NKAIN3: variants seen among roughly 807,000 people sequenced by gnomAD.
NKAIN3 encodes sodium/potassium-transporting ATPase subunit beta-1-interacting protein 3.
Under a neutral mutation model 30.2 loss-of-function variants are expected in NKAIN3, and 25 were observed. That is an observed-to-expected ratio of 0.83 (90% CI 0.60 to 1.16). The LOEUF (loss-of-function observed/expected upper bound fraction) is 1.16, where lower values mean the gene tolerates loss of function less well. Ranked by LOEUF, NKAIN3 falls within the 50% of genes most tolerant of loss-of-function variation. The pLI, the probability that NKAIN3 is intolerant of heterozygous loss-of-function variation, is 0.00. For missense variants in NKAIN3, 225 were observed against 254.1 expected (o/e 0.89, Z 0.78); for synonymous variants, 91 against 89.6 (o/e 1.02, Z -0.09).
intron 4 of NKAIN3, among the ~76,000 whole-genome samples, chr8:62,795,792 A>C (rs191568718): frequency 7.9e-4 from 121 of 152,250 alleles, no homozygotes; most frequent in Non-Finnish European, 8.8e-5. Flanking sequence ...CCAGAAAATC[A>C]TTATTGTATG....
At chr8:62,429,119 G>T (rs1405902597) in intron 1 of NKAIN3, among the ~76,000 whole-genome samples, 5 of 151,872 alleles carry the variant, frequency 3.3e-5, no homozygotes, top group African/African-American at 1.2e-4. Flanking sequence ...TGGTTACTTG[G>T]TGGAAAATTA....
chr8:62,433,320 C>A (rs926911783), intron 1 of NKAIN3, among the ~76,000 whole-genome samples: 1 of 151,930 alleles, frequency 6.6e-6, no homozygotes, highest in Non-Finnish European at 1.5e-5. Context: ...CAAAAATGAT[C>A]AGCTCACAGA....
chr8:62,804,360 T>G (rs1001149344), intron 4 of NKAIN3, among the ~76,000 whole-genome samples: 1 of 152,108 alleles, frequency 6.6e-6, no homozygotes, highest in Non-Finnish European at 1.5e-5. Flanking sequence ...AAGAGAATTT[T>G]AGACCAATAT....
chr8:62,291,380 T>A (rs1793432217), intron 1 of NKAIN3, among the ~76,000 whole-genome samples: 1 of 152,230 alleles, frequency 6.6e-6, no homozygotes, highest in South Asian at 2.1e-4. Flanking sequence ...CATTTAGTGC[T>A]ATAAATTTCC....
intron 3 of NKAIN3, among the ~76,000 whole-genome samples, chr8:62,742,465 G>T (rs547356760): frequency 9.2e-5 from 14 of 152,268 alleles, no homozygotes; most frequent in African/African-American, 3.4e-4. Context: ...GTATATATCT[G>T]CTTCTTCTCA....
At chr8:62,675,025 C>A (rs1813428998) in intron 3 of NKAIN3, among the ~76,000 whole-genome samples, 1 of 152,122 alleles carries the variant, frequency 6.6e-6, no homozygotes, top group Non-Finnish European at 1.5e-5. Flanking sequence ...TGCTGAGGAA[C>A]AGTGTAGTCT....
chr8:62,727,010 A>C (rs1815280643), intron 3 of NKAIN3, among the ~76,000 whole-genome samples: 3 of 152,122 alleles, frequency 2.0e-5, no homozygotes. Context: ...TACCACACCA[A>C]GTGGGATTTA....
chr8:62,989,796 C>T (rs568862071), downstream of NKAIN3, among the ~76,000 whole-genome samples: 6 of 152,194 alleles, frequency 3.9e-5, no homozygotes, highest in Admixed American at 3.9e-4. Context: ...TTTCTACACC[C>T]TAAGAAATTT....
At chr8:62,311,779 G>A (rs1814440873) in intron 1 of NKAIN3, among the ~76,000 whole-genome samples, 1 of 150,546 alleles carries the variant, frequency 6.6e-6, no homozygotes, top group South Asian at 2.1e-4. Context: ...CAGATCCTCA[G>A]TTTCCATAAA....
chr8:62,931,729 G>A (rs570533879), intron 5 of NKAIN3, among the ~76,000 whole-genome samples: 57 of 152,220 alleles, frequency 3.7e-4, no homozygotes, highest in African/African-American at 1.2e-3. Context: ...CCACAGCTAC[G>A]GGACTCAAAG....
chr8:62,450,417 A>G (rs1489367051), intron 1 of NKAIN3, among the ~76,000 whole-genome samples: 2 of 152,172 alleles, frequency 1.3e-5, no homozygotes, highest in Non-Finnish European at 1.5e-5. Flanking sequence ...CTAAAAATTC[A>G]ACAGGTGAAT....
chr8:62,691,837 C>T (rs1042988974), intron 3 of NKAIN3, among the ~76,000 whole-genome samples: 2 of 152,166 alleles, frequency 1.3e-5, no homozygotes, highest in African/African-American at 2.4e-5. Flanking sequence ...CACATTAAAA[C>T]ATAGTAGCCT....
chr8:62,471,616 T>C (rs957643153), intron 1 of NKAIN3, among the ~76,000 whole-genome samples: 1 of 152,134 alleles, frequency 6.6e-6, no homozygotes, highest in African/African-American at 2.4e-5. Context: ...TTTCAGCTAG[T>C]AATAGGGTTC....
At chr8:62,741,420 A>C (rs6472048) in intron 3 of NKAIN3, among the ~76,000 whole-genome samples, 25,695 of 136,340 alleles carry the variant, frequency 0.19, 2,526 homozygotes, top group East Asian at 0.34. Context: ...GGAAGGAAGG[A>C]AGGCAGGCAA....
chr8:62,525,657 A>G (rs1484794136), intron 1 of NKAIN3, among the ~76,000 whole-genome samples: 2 of 152,150 alleles, frequency 1.3e-5, no homozygotes, highest in African/African-American at 2.4e-5. Flanking sequence ...GGTTCCACCC[A>G]TGGTTGCACC....
rs192580264 is a variant in NKAIN3 at position 62,630,045 on chromosome 8, C to A, written c.273+40251C>A. Among the ~76,000 whole-genome samples, 495 of 152,138 alleles carry A rather than the reference C, an allele frequency of 3.3e-3. 2 individuals carry two copies. Among genetic ancestry groups the A allele is most frequent in the African/African-American group, 0.01 (429 of 41,538 alleles). On this transcript the variant is annotated intron_variant, in intron 3 of 6. Transcript: ENST00000623646. The stretch of plus-strand genomic sequence containing the variant: ...GGAGAGAAAAAGAGAGAACCACATT[C>A]ACATGACTTTTATTATAATATATTA...
intron 1 of NKAIN3, among the ~76,000 whole-genome samples, chr8:62,536,095 T>G (rs1042816249): frequency 6.6e-6 from 1 of 152,178 alleles, no homozygotes; most frequent in Non-Finnish European, 1.5e-5. Context: ...TATATGTGAA[T>G]CTTAGGACAT....
At chr8:62,559,375 T>G (rs1024568347) in intron 1 of NKAIN3, among the ~76,000 whole-genome samples, 1 of 152,072 alleles carries the variant, frequency 6.6e-6, no homozygotes, top group Non-Finnish European at 1.5e-5. Flanking sequence ...ACTCTGACAA[T>G]TGTTTTATTG....
At chr8:62,934,087 T>C (rs527593395) in intron 5 of NKAIN3, among the ~76,000 whole-genome samples, 2 of 152,284 alleles carry the variant, frequency 1.3e-5, no homozygotes, top group South Asian at 4.2e-4. Flanking sequence ...AAATGTACTA[T>C]TAAAGATACT....
Sources: allele counts gnomAD v4.1 joint callset (sites outside exome capture counted in the v4.1 genomes callset), GRCh38; gene constraint gnomAD v4.1.1; transcripts MANE v1.5; gene names NCBI Gene and HGNC (gene_info 2026-07-23, HGNC 2026-07-21).